The following MICU2 variants were observed in gnomAD, a reference collection of about 807,000 sequenced individuals.
MICU2 encodes the protein mitochondrial calcium uptake 2, also known as calcium uptake protein 2, mitochondrial.
A neutral mutation model predicts 60.4 loss-of-function variants in MICU2; 64 were observed. The observed-to-expected ratio is 1.06, with a 90% confidence interval of 0.87 to 1.31. The LOEUF (loss-of-function observed/expected upper bound fraction) is 1.31. Ranked by LOEUF, MICU2 falls within the 50% of genes most tolerant of loss-of-function variation. The probability of loss-of-function intolerance (pLI) is 0.00; values close to 1 mark genes in which losing one functional copy is unlikely to be tolerated. For missense variants in MICU2, 569 were observed against 531.0 expected (o/e 1.07, Z -0.70); for synonymous variants, 201 against 175.0 (o/e 1.15, Z -1.17).
intron 2 of MICU2, among the ~76,000 whole-genome samples, chr13:21,565,705 C>T (rs540056325): frequency 3.5e-4 from 53 of 151,114 alleles, no homozygotes; most frequent in African/African-American, 1.2e-3. Context: ...TGGTGGTGGG[C>T]ACCTGTAATC....
chr13:21,557,854 A>G (rs1025564269), intron 2 of MICU2, among the ~76,000 whole-genome samples: 1 of 152,224 alleles, frequency 6.6e-6, no homozygotes, highest in Non-Finnish European at 1.5e-5. Flanking sequence ...AATGAATAAT[A>G]AAAGTGGAAA....
chr13:21,602,967 ATC>A (rs1187136550), intron 1 of MICU2: 1 of 94,658 alleles, frequency 1.1e-5, no homozygotes, highest in Non-Finnish European at 2.0e-5. Context: ...GGGAACTTGA[ATC>A]TTTTTTTTTT....
At chr13:21,559,222 G>T (rs1232243996) in intron 2 of MICU2, among the ~76,000 whole-genome samples, 1 of 152,200 alleles carries the variant, frequency 6.6e-6, no homozygotes, top group Non-Finnish European at 1.5e-5. Context: ...ATGCTGCCAT[G>T]ATGAAAGTCG....
At chr13:21,567,341 T>G (rs1043511775) in intron 1 of MICU2, among the ~76,000 whole-genome samples, 1 of 151,912 alleles carries the variant, frequency 6.6e-6, no homozygotes, top group Non-Finnish European at 1.5e-5. Context: ...GTCCTGGGGT[T>G]GGGGGGTCTC....
intron 1 of MICU2, among the ~76,000 whole-genome samples, chr13:21,578,565 C>T (rs1311711271): frequency 6.6e-6 from 1 of 151,970 alleles, no homozygotes; most frequent in Non-Finnish European, 1.5e-5. Flanking sequence ...CCACTGGACT[C>T]CAGTCTAGGT....
chr13:21,579,220 CTTGT>C (rs1220254987), intron 1 of MICU2, among the ~76,000 whole-genome samples: 5 of 152,118 alleles, frequency 3.3e-5, no homozygotes, highest in East Asian at 1.9e-4. Flanking sequence ...TATTTCTGTT[CTTGT>C]TTATTAATTA....
chr13:21,500,118 G>A (rs1328960535), intron 9 of MICU2, among the ~76,000 whole-genome samples: 1 of 150,550 alleles, frequency 6.6e-6, no homozygotes, highest in Non-Finnish European at 1.5e-5. Flanking sequence ...TGAATCTGCT[G>A]TGTGGGCAGC....
intron 1 of MICU2, among the ~76,000 whole-genome samples, chr13:21,588,487 G>A (rs138669727): frequency 0.013 from 2,002 of 152,258 alleles, 25 homozygotes; most frequent in Middle Eastern, 0.024. Flanking sequence ...GCCCCCAAGG[G>A]CCATCTAGCT....
chr13:21,557,883 T>C (rs142730896), intron 2 of MICU2, among the ~76,000 whole-genome samples: 2 of 152,198 alleles, frequency 1.3e-5, no homozygotes, highest in Non-Finnish European at 2.9e-5. Context: ...TCTTTAATCA[T>C]GGTTTATTTT....
intron 2 of MICU2, chr13:21,551,472 A>T (rs903702685): frequency 6.6e-6 from 1 of 152,052 alleles, no homozygotes; most frequent in African/African-American, 2.4e-5. Context: ...GTTTTAGGGT[A>T]CATGTGCACA....
intron 1 of MICU2, among the ~76,000 whole-genome samples, chr13:21,567,761 T>C (rs1022721060): frequency 4.1e-4 from 62 of 152,294 alleles, no homozygotes; most frequent in African/African-American, 1.5e-3. Flanking sequence ...ACTAATCAAG[T>C]ATTCACATAG....
chr13:21,503,113 CA>C lies in MICU2; in HGVS notation c.762-17del. ...TTCCATAAATCTGAATGTTAAAATA[CA>C]AAATTAGTAAGGTAACTAGTGGCAT... On this transcript the variant is annotated splice_polypyrimidine_tract_variant and intron_variant, in intron 8 of 11. Transcript: ENST00000382374. 6.4e-7 allele frequency: 1 copy of C among 1,565,786 alleles called. No homozygotes were observed. The highest frequency in any genetic ancestry group is 1.4e-5 in the African/African-American group (1 of 72,900).
At chr13:21,499,840 A>G (rs562071810) in intron 9 of MICU2, among the ~76,000 whole-genome samples, 84 of 152,224 alleles carry the variant, frequency 5.5e-4, no homozygotes, top group Non-Finnish European at 9.6e-4. Flanking sequence ...CCTGGCCAAC[A>G]ACACAGTGAA....
At chr13:21,570,794 C>A (rs1183395167) in intron 1 of MICU2, among the ~76,000 whole-genome samples, 1 of 152,062 alleles carries the variant, frequency 6.6e-6, no homozygotes, top group South Asian at 2.1e-4. Context: ...GAGTTCCATA[C>A]CCTGTTTGGT....
rs183700031 is a variant in MICU2 at position 21,529,270 on chromosome 13, T to G, written c.467-6620A>C. Among the ~76,000 whole-genome samples the G allele has an allele frequency of 2.1e-3, 316 of 152,284 alleles. 1 individual carries two copies. The highest frequency in any genetic ancestry group is 7.4e-3 in the African/African-American group (308 of 41,558). ...ATTTCTTGGGTTTGGGTGAGTTAGA[T>G]GAAAGCTTTTACTACCAAATGAGAT... On this transcript the variant is annotated intron_variant, in intron 4 of 11. Transcript: ENST00000382374.
At chr13:21,530,118 T>G (rs1886951471) in intron 4 of MICU2, among the ~76,000 whole-genome samples, 1 of 152,242 alleles carries the variant, frequency 6.6e-6, no homozygotes, top group Non-Finnish European at 1.5e-5. Flanking sequence ...AATTTTCTTG[T>G]CATCCTTAAG....
chr13:21,603,527 G>A (rs1888874829), intron 1 of MICU2: 4 of 221,886 alleles, frequency 1.8e-5, no homozygotes, highest in South Asian at 1.8e-4. Context: ...TCCCACAGGG[G>A]TAACTGGACG....
rs570924641 is a variant in MICU2 at position 21,572,749 on chromosome 13, T to C, written c.211-5805A>G. Reference sequence around the variant, plus strand: ...CAGCCTCCAGGCTTAAGTTTGGGGGTCCTGGGATTTTAAATTTTTCTTTAT... The same window carrying C: ...CAGCCTCCAGGCTTAAGTTTGGGGGCCCTGGGATTTTAAATTTTTCTTTAT... On this transcript the variant is annotated intron_variant, in intron 1 of 11. Coordinates refer to ENST00000382374, the MANE Select transcript of MICU2 (RefSeq NM_152726.3). Among the ~76,000 whole-genome samples the C allele has an allele frequency of 3.9e-5, 6 of 151,996 alleles. No individual in the cohort carries two copies. In the East Asian group the frequency reaches 1.2e-3, roughly 29 times the overall value.
intron 6 of MICU2, among the ~76,000 whole-genome samples, chr13:21,520,561 A>G (rs1484680761): frequency 6.6e-6 from 1 of 152,100 alleles, no homozygotes; most frequent in Non-Finnish European, 1.5e-5. Context: ...CCATATATAT[A>G]TCTATATTTT....
Sources: allele counts gnomAD v4.1 joint callset (sites outside exome capture counted in the v4.1 genomes callset), GRCh38; gene constraint gnomAD v4.1.1; transcripts MANE v1.5; gene names NCBI Gene and HGNC (gene_info 2026-07-23, HGNC 2026-07-21).